The following ZNF385D variants were observed in gnomAD, a reference collection of about 807,000 sequenced individuals.
The protein encoded by ZNF385D is zinc finger protein 659.
Under a neutral mutation model 35.8 loss-of-function variants are expected in ZNF385D, and 15 were observed. The ratio of observed to expected loss-of-function variants is 0.42; its 90% CI spans 0.28 to 0.64. The LOEUF is 0.64. ZNF385D is among the 30% of genes least tolerant of loss of function. The pLI, the probability that ZNF385D is intolerant of heterozygous loss-of-function variation, is 0.23. For synonymous variants in ZNF385D, 212 were observed against 186.8 expected (o/e 1.13, Z -1.10); for missense variants, 474 against 494.6 (o/e 0.96, Z 0.39).
intron 2 of ZNF385D, among the ~76,000 whole-genome samples, chr3:22,327,324 A>C (rs1694724706): frequency 6.6e-6 from 1 of 152,088 alleles, no homozygotes; most frequent in African/African-American, 2.4e-5. Context: ...TAAAATAAGA[A>C]ATGTAAATTT....
At chr3:22,354,083 T>C (rs1381409075) in intron 2 of ZNF385D, among the ~76,000 whole-genome samples, 1 of 152,138 alleles carries the variant, frequency 6.6e-6, no homozygotes, top group Non-Finnish European at 1.5e-5. Context: ...CAATGCTCCA[T>C]CTGCTTCTCA....
At chr3:21,794,766 G>C (rs2072076901) in intron 3 of ZNF385D, among the ~76,000 whole-genome samples, 1 of 152,108 alleles carries the variant, frequency 6.6e-6, no homozygotes, top group South Asian at 2.1e-4. Flanking sequence ...GAGTGTAATG[G>C]GAAAAGAGTT....
At chr3:21,522,502 G>T (rs1372497425) in intron 3 of ZNF385D, among the ~76,000 whole-genome samples, 1 of 152,072 alleles carries the variant, frequency 6.6e-6, no homozygotes, top group Non-Finnish European at 1.5e-5. Flanking sequence ...ACCACACCCA[G>T]CTAATTATTG....
At chr3:22,123,051 T>C (rs1703184033) in intron 3 of ZNF385D, among the ~76,000 whole-genome samples, 1 of 152,130 alleles carries the variant, frequency 6.6e-6, no homozygotes, top group African/African-American at 2.4e-5. Flanking sequence ...ATTCTTTCCT[T>C]TGAGCAAAAG....
At chr3:21,826,496 G>A (rs1694638280) in intron 3 of ZNF385D, among the ~76,000 whole-genome samples, 1 of 152,158 alleles carries the variant, frequency 6.6e-6, no homozygotes, top group Non-Finnish European at 1.5e-5. Flanking sequence ...CTAAACAATG[G>A]CAAGGGGTGG....
chr3:22,014,993 C>T (rs563997221), intron 3 of ZNF385D, among the ~76,000 whole-genome samples: 14 of 151,986 alleles, frequency 9.2e-5, no homozygotes, highest in Non-Finnish European at 1.8e-4. Context: ...ATTCATCATA[C>T]ATGTCTTTGT....
intron 3 of ZNF385D, among the ~76,000 whole-genome samples, chr3:21,766,039 GT>G (rs2070817058): frequency 6.6e-6 from 1 of 152,054 alleles, no homozygotes; most frequent in Non-Finnish European, 1.5e-5. Context: ...TAGCAGCATT[GT>G]GAAGAAAGGA....
chr3:22,076,598 T>C (rs934986447), intron 3 of ZNF385D, among the ~76,000 whole-genome samples: 10 of 151,938 alleles, frequency 6.6e-5, no homozygotes, highest in African/African-American at 2.4e-4. Flanking sequence ...TTATGTTTCC[T>C]AGCCCAATTG....
intron 3 of ZNF385D, among the ~76,000 whole-genome samples, chr3:22,166,455 T>G (rs1706335935): frequency 6.6e-6 from 1 of 152,208 alleles, no homozygotes; most frequent in African/African-American, 2.4e-5. Flanking sequence ...GATACTTAAG[T>G]GAGTAAGACC....
At chr3:22,256,760 T>C (rs1700339326) in intron 2 of ZNF385D, among the ~76,000 whole-genome samples, 1 of 151,954 alleles carries the variant, frequency 6.6e-6, no homozygotes, top group Admixed American at 6.6e-5. Context: ...AATATATTAA[T>C]GACTGCCTTC....
At chr3:21,574,484 A>T (rs2063435426) in intron 2 of ZNF385D, among the ~76,000 whole-genome samples, 1 of 152,192 alleles carries the variant, frequency 6.6e-6, no homozygotes, top group Non-Finnish European at 1.5e-5. Context: ...ACTGCACAAT[A>T]AACATTAGGA....
intron 1 of ZNF385D, among the ~76,000 whole-genome samples, chr3:21,691,570 C>A (rs2067286799): frequency 6.6e-6 from 1 of 152,130 alleles, no homozygotes; most frequent in Non-Finnish European, 1.5e-5. Flanking sequence ...CTTTCTTTGG[C>A]AAGCCACCCC....
At chr3:21,881,679 G>T (rs1410011937) in intron 3 of ZNF385D, among the ~76,000 whole-genome samples, 2 of 151,936 alleles carry the variant, frequency 1.3e-5, no homozygotes, top group Non-Finnish European at 2.9e-5. Context: ...ATTTCACAAG[G>T]CTATAGTTGC....
At chr3:21,864,904 A>G (rs1336410465) in intron 3 of ZNF385D, among the ~76,000 whole-genome samples, 2 of 151,266 alleles carry the variant, frequency 1.3e-5, no homozygotes, top group East Asian at 2.0e-4. Context: ...AAGCCTTGAG[A>G]GTTTATAGTG....
At chr3:21,925,390 C>T (rs1684478) in intron 3 of ZNF385D, among the ~76,000 whole-genome samples, 133,686 of 152,172 alleles carry the variant, frequency 0.88, 58,823 homozygotes, top group East Asian at 0.98. Flanking sequence ...TGAAGAACAA[C>T]TGCTGAAACA....
chr3:21,629,547 T>G (rs1433673898), intron 2 of ZNF385D, among the ~76,000 whole-genome samples: 2 of 152,212 alleles, frequency 1.3e-5, no homozygotes, highest in Non-Finnish European at 2.9e-5. Context: ...CATGACAGCT[T>G]AATCAGGCAC....
chr3:22,187,063 T>A (rs1695682938), intron 2 of ZNF385D, among the ~76,000 whole-genome samples: 1 of 152,122 alleles, frequency 6.6e-6, no homozygotes, highest in Non-Finnish European at 1.5e-5. Context: ...CAGGGCGTAA[T>A]GACATACCAG....
intron 3 of ZNF385D, among the ~76,000 whole-genome samples, chr3:21,874,370 G>C (rs1438230655): frequency 6.6e-6 from 1 of 151,890 alleles, no homozygotes; most frequent in Non-Finnish European, 1.5e-5. Flanking sequence ...TTTTGTTATT[G>C]AGTTGTAGGA....
At chr3:22,203,176 C>G (rs1696918724) in intron 2 of ZNF385D, among the ~76,000 whole-genome samples, 1 of 152,064 alleles carries the variant, frequency 6.6e-6, no homozygotes, top group Non-Finnish European at 1.5e-5. Context: ...AGAGGACTTT[C>G]TCTTGCAACT....
Sources: allele counts gnomAD v4.1 joint callset (sites outside exome capture counted in the v4.1 genomes callset), GRCh38; gene constraint gnomAD v4.1.1; transcripts MANE v1.5; gene names NCBI Gene and HGNC (gene_info 2026-07-23, HGNC 2026-07-21).